AMD1: variants seen among roughly 807,000 people sequenced by gnomAD.
AMD1 encodes the protein S-adenosylmethionine decarboxylase proenzyme.
A neutral mutation model predicts 40.2 loss-of-function variants in AMD1; 11 were observed. The ratio of observed to expected loss-of-function variants is 0.27; its 90% CI spans 0.17 to 0.45. AMD1 has a LOEUF of 0.45. AMD1 is among the 20% of genes least tolerant of loss of function. The probability of loss-of-function intolerance (pLI) is 1.00; values close to 1 mark genes in which losing one functional copy is unlikely to be tolerated. For synonymous variants in AMD1, 121 were observed against 130.8 expected (o/e 0.93, Z 0.51); for missense variants, 257 against 410.2 (o/e 0.63, Z 3.23).
intron 3 of AMD1, chr6:110,889,987 A>G (rs552361487): frequency 1.5e-5 from 5 of 322,946 alleles, no homozygotes; most frequent in African/African-American, 8.8e-5. Flanking sequence ...ATGACCCATC[A>G]TCACTAGACT....
At chr6:110,857,667 TAC>T in the AMD1 span, among the ~76,000 whole-genome samples, 4 of 133,912 alleles carry the variant, frequency 3.0e-5, no homozygotes, top group East Asian at 8.4e-4. Context: ...TATATATATA[TAC>T]AGATGGCATA....
the AMD1 span, chr6:110,815,301 CT>C: frequency 1.4e-6 from 1 of 719,848 alleles, no homozygotes; most frequent in Non-Finnish European, 2.0e-6. Context: ...CAGCAAGGGA[CT>C]CCTCGGCGGC....
the AMD1 span, among the ~76,000 whole-genome samples, chr6:110,824,074 C>G: frequency 6.6e-6 from 1 of 152,124 alleles, no homozygotes; most frequent in South Asian, 2.1e-4. Flanking sequence ...TGAGTATCTA[C>G]CCAAAGGAAA....
the AMD1 span, among the ~76,000 whole-genome samples, chr6:110,841,614 G>T: frequency 6.6e-6 from 1 of 151,630 alleles, no homozygotes; most frequent in South Asian, 2.1e-4. Context: ...GTGCGGTCTG[G>T]CTCCAGCCAA....
At chr6:110,863,661 C>T in the AMD1 span, among the ~76,000 whole-genome samples, 2 of 152,036 alleles carry the variant, frequency 1.3e-5, no homozygotes, top group Non-Finnish European at 2.9e-5. Context: ...TGAGCCACCG[C>T]GCCCGGCCTG....
chr6:110,830,298 G>A, the AMD1 span, among the ~76,000 whole-genome samples: 2 of 152,112 alleles, frequency 1.3e-5, no homozygotes, highest in Non-Finnish European at 2.9e-5. Context: ...ACAGGCATGA[G>A]CCACCGTGCC....
the AMD1 span, among the ~76,000 whole-genome samples, chr6:110,824,679 C>A: frequency 2.0e-5 from 3 of 151,082 alleles, no homozygotes; most frequent in Admixed American, 2.0e-4. Context: ...TAGCTTAAGG[C>A]AAAAAAATAA....
At chr6:110,867,015 G>A in the AMD1 span, among the ~76,000 whole-genome samples, 1 of 151,738 alleles carries the variant, frequency 6.6e-6, no homozygotes, top group South Asian at 2.1e-4. Flanking sequence ...GGGTTTCACC[G>A]TGTTAGCCAG....
At chr6:110,815,320 G>A in the AMD1 span, 3 of 539,592 alleles carry the variant, frequency 5.6e-6, no homozygotes, top group Admixed American at 1.4e-4. Flanking sequence ...GGCCACAGCA[G>A]CCACCTCCTC....
intron 4 of AMD1, chr6:110,891,865 C>G (rs1277434941): frequency 8.1e-6 from 3 of 370,576 alleles, no homozygotes; most frequent in Admixed American, 4.5e-5. Flanking sequence ...GCCTCAGCCT[C>G]CCAAGTAGCT....
At chr6:110,844,346 C>T in the AMD1 span, among the ~76,000 whole-genome samples, 6 of 150,562 alleles carry the variant, frequency 4.0e-5, no homozygotes, top group Admixed American at 6.6e-5. Flanking sequence ...TTAGTAGAGA[C>T]GGGGTTTTGT....
chr6:110,814,690 G>C, the AMD1 span: 5 of 558,332 alleles, frequency 9.0e-6, no homozygotes, highest in Non-Finnish European at 1.7e-5. Context: ...CAAGAGACTA[G>C]ACCCCACAAA....
chr6:110,868,583 T>C, the AMD1 span, among the ~76,000 whole-genome samples: 5 of 152,218 alleles, frequency 3.3e-5, no homozygotes, highest in African/African-American at 4.8e-5. Flanking sequence ...TACTTGTCTT[T>C]CACCTATGTC....
the AMD1 span, among the ~76,000 whole-genome samples, chr6:110,868,894 A>T: frequency 6.8e-6 from 1 of 147,490 alleles, no homozygotes; most frequent in Admixed American, 6.8e-5. Context: ...TGACTCTACT[A>T]AAAAAAAAAT....
the AMD1 span, among the ~76,000 whole-genome samples, chr6:110,830,672 T>TGCTGCTATACACTACC: frequency 1.3e-5 from 2 of 152,368 alleles, no homozygotes; most frequent in South Asian, 4.1e-4. Flanking sequence ...GTACCTCTGC[T>TGCTGCTATACACTACC]GCTGCTATAC....
intron 1 of AMD1, among the ~76,000 whole-genome samples, chr6:110,879,851 A>G (rs950456322): frequency 1.3e-5 from 2 of 152,236 alleles, no homozygotes; most frequent in African/African-American, 4.8e-5. Flanking sequence ...TGCAGGCATC[A>G]TCCTCAGAAA....
intron 3 of AMD1, chr6:110,889,951 G>T (rs1785916596): frequency 4.5e-6 from 1 of 224,044 alleles, no homozygotes; most frequent in Non-Finnish European, 8.7e-6. Context: ...TTCTAGAAAG[G>T]AATATACTTG....
the AMD1 span, chr6:110,858,832 GC>G: frequency 2.6e-6 from 2 of 777,250 alleles, no homozygotes; most frequent in Non-Finnish European, 2.4e-6. Flanking sequence ...ACCACATCCT[GC>G]CCCCCATGGA....
intron 2 of AMD1, among the ~76,000 whole-genome samples, chr6:110,887,875 G>A (rs1259328947): frequency 2.0e-5 from 3 of 151,948 alleles, no homozygotes; most frequent in African/African-American, 4.8e-5. Context: ...TAGTAGAGAC[G>A]GGGTTTCACC....
Sources: allele counts gnomAD v4.1 joint callset (sites outside exome capture counted in the v4.1 genomes callset), GRCh38; gene constraint gnomAD v4.1.1; transcripts MANE v1.5; gene names NCBI Gene and HGNC (gene_info 2026-07-23, HGNC 2026-07-21).